MAPRE3: variants seen among roughly 807,000 people sequenced by gnomAD.
MAPRE3 encodes microtubule-associated protein RP/EB family member 3.
Under a neutral mutation model 30.5 loss-of-function variants are expected in MAPRE3, and 2 were observed. The observed-to-expected ratio is 0.07, with a 90% confidence interval of 0.03 to 0.21. The LOEUF (loss-of-function observed/expected upper bound fraction) is 0.21. Among genes scored for constraint, MAPRE3 ranks in the 10% least tolerant of loss-of-function variants. The pLI, the probability that MAPRE3 is intolerant of heterozygous loss-of-function variation, is 1.00. For synonymous variants in MAPRE3, 110 were observed against 127.7 expected, an observed-to-expected ratio of 0.86 and a Z score of 0.93; for missense variants, 204 against 351.8, an observed-to-expected ratio of 0.58 and a Z score of 3.36.
intron 1 of MAPRE3, among the ~76,000 whole-genome samples, chr2:26,973,922 C>T (rs928686865): frequency 1.3e-5 from 2 of 152,176 alleles, no homozygotes; most frequent in Non-Finnish European, 2.9e-5. Flanking sequence ...TTGTAAAGGT[C>T]CCAAGGCACA....
intron 1 of MAPRE3, among the ~76,000 whole-genome samples, chr2:26,983,280 A>AAG (rs1666152910): frequency 1.3e-5 from 2 of 152,178 alleles, no homozygotes; most frequent in Non-Finnish European, 2.9e-5. Context: ...CCAGGAGCCC[A>AAG]CTGGGTTCCA....
chr2:26,978,700 C>A (rs1489752785), intron 1 of MAPRE3, among the ~76,000 whole-genome samples: 1 of 152,170 alleles, frequency 6.6e-6, no homozygotes, highest in Non-Finnish European at 1.5e-5. Context: ...ACAGATTATT[C>A]ATATAAATTT....
In MAPRE3 at chr2:27,025,648, GC is replaced by G; in HGVS notation, c.543del (p.Cys182AlafsTer31). The G allele has an allele frequency of 5.6e-6, 9 of 1,609,112 alleles. No individual in the cohort carries two copies. The highest frequency in any genetic ancestry group is 2.2e-5 in the South Asian group (2 of 90,250). ...MQTSGRLSNV[A>X]PPCILRKNPP... is the part of the protein sequence containing the mutation. ...GACCTCTGGCCGGCTGAGCAATGTGGCCCCCCCCTGCATTCTCCGGAAGAAT... is the reference window on the plus strand; with the variant it reads ...GACCTCTGGCCGGCTGAGCAATGTGGCCCCCCCTGCATTCTCCGGAAGAAT... On this transcript the variant is annotated frameshift_variant, in exon 5 of 7. Coordinates refer to ENST00000233121, the MANE Select transcript of MAPRE3 (RefSeq NM_012326.4). LOFTEE classifies it high-confidence loss of function.
intron 1 of MAPRE3, chr2:27,011,833 G>T (rs1409681021): frequency 2.0e-5 from 2 of 99,008 alleles, no homozygotes; most frequent in Non-Finnish European, 3.9e-5. Context: ...GCAACAAAGC[G>T]AGACTCCATC....
chr2:26,973,546 G>GTTT (rs68169162), intron 1 of MAPRE3, among the ~76,000 whole-genome samples: 4 of 122,286 alleles, frequency 3.3e-5, no homozygotes, highest in Non-Finnish European at 5.2e-5. Context: ...AGAAAATATA[G>GTTT]TTTTTTTTTT....
intron 1 of MAPRE3, among the ~76,000 whole-genome samples, chr2:27,003,515 T>C (rs1376429996): frequency 6.6e-6 from 1 of 152,224 alleles, no homozygotes; most frequent in African/African-American, 2.4e-5. Context: ...ATCAGCTGTC[T>C]ACGAGCTTTT....
At chr2:27,024,361 A>T (rs1667184852) in intron 4 of MAPRE3, 64 bp downstream of exon 4, 2 of 1,484,876 alleles carry the variant, frequency 1.3e-6, no homozygotes, top group Non-Finnish European at 9.1e-7. Context: ...TATAGCCAGG[A>T]GTGCCCCCTG....
intron 1 of MAPRE3, among the ~76,000 whole-genome samples, chr2:26,995,813 GTGTGTGTGTGTGTGTGTA>G (rs1426929261): frequency 2.1e-4 from 31 of 150,190 alleles, no homozygotes; most frequent in Admixed American, 6.6e-4. Flanking sequence ...GTGTGTGTGT[GTGTGTGTGTGTGTGTGTA>G]TGTGTGTGTG....
At chr2:27,000,950 C>T (rs1414360538) in intron 1 of MAPRE3, among the ~76,000 whole-genome samples, 1 of 152,166 alleles carries the variant, frequency 6.6e-6, no homozygotes, top group Non-Finnish European at 1.5e-5. Flanking sequence ...ATTTTTTTCT[C>T]ATCACGAAAG....
intron 4 of MAPRE3, 74 bp from the exon 5 acceptor site, chr2:27,025,509 C>A: frequency 6.8e-7 from 1 of 1,471,222 alleles, no homozygotes. Context: ...CCCCGCAGTC[C>A]TCACACCAGG....
chr2:27,023,305 C>A, intron 2 of MAPRE3, 27 bp from the exon 3 acceptor site: 1 of 1,583,762 alleles, frequency 6.3e-7, no homozygotes. Context: ...GCAGCAAGAC[C>A]CCTCAGCCAG....
In MAPRE3 at chr2:26,994,719, A is replaced by G. The variant is rs115987739; in HGVS notation, c.-8+23917A>G. On this transcript the variant is annotated intron_variant, in intron 1 of 6. Transcript: ENST00000233121. ...TGTAGTTTTATTTACAATATCTCCA[A>G]ATCACTCTATTTCTCCTGATAGGTA... Among the ~76,000 whole-genome samples the G allele has an allele frequency of 7.2e-3, 1,093 of 152,234 alleles. 21 individuals are homozygous for G. Among genetic ancestry groups the G allele is most frequent in the African/African-American group, 0.025 (1,039 of 41,536 alleles).
At chr2:27,017,919 A>G (rs906511846) in intron 1 of MAPRE3, among the ~76,000 whole-genome samples, 2 of 152,210 alleles carry the variant, frequency 1.3e-5, no homozygotes, top group African/African-American at 4.8e-5. Context: ...AGGAGAAGCC[A>G]GTGGACTCTC....
intron 1 of MAPRE3, among the ~76,000 whole-genome samples, chr2:26,982,564 G>A (rs1454799089): frequency 6.6e-6 from 1 of 152,230 alleles, no homozygotes; most frequent in Non-Finnish European, 1.5e-5. Flanking sequence ...GGTGGGGCAG[G>A]AGCAAAAGTG....
At chr2:27,013,079 T>A (rs1355374277) in intron 1 of MAPRE3, 1 of 152,492 alleles carries the variant, frequency 6.6e-6, no homozygotes, top group Non-Finnish European at 1.5e-5. Flanking sequence ...GAGACATGGA[T>A]GTGCTTTTGG....
chr2:27,008,324 G>A (rs534235533), intron 1 of MAPRE3, among the ~76,000 whole-genome samples: 4 of 152,218 alleles, frequency 2.6e-5, no homozygotes, highest in Admixed American at 6.5e-5. Flanking sequence ...GCACAGTGGC[G>A]CATGCCTGTA....
chr2:27,022,166 T>C (rs1667122201), intron 1 of MAPRE3, 46 bp from the exon 2 acceptor site: 2 of 1,601,328 alleles, frequency 1.2e-6, no homozygotes, highest in Non-Finnish European at 1.7e-6. Flanking sequence ...GCTAAGGAGC[T>C]ACATGAGGCC....
intron 1 of MAPRE3, among the ~76,000 whole-genome samples, chr2:27,021,285 C>T (rs536844573): frequency 6.6e-5 from 10 of 152,004 alleles, no homozygotes; most frequent in Non-Finnish European, 1.2e-4. Context: ...CAGAAAAGGG[C>T]GAATTGAGGA....
At chr2:27,022,637 G>A (rs1667134028) in intron 2 of MAPRE3, 1 of 318,636 alleles carries the variant, frequency 3.1e-6, no homozygotes, top group South Asian at 5.6e-5. Context: ...TTTAACACAT[G>A]GTAAGTATTT....
Sources: allele counts gnomAD v4.1 joint callset (sites outside exome capture counted in the v4.1 genomes callset), GRCh38; gene constraint gnomAD v4.1.1; transcripts MANE v1.5; gene names NCBI Gene and HGNC (gene_info 2026-07-23, HGNC 2026-07-21).